Variants in MRPS28 observed in about 807,000 individuals in gnomAD.
The protein encoded by MRPS28 is mitochondrial ribosomal protein S28.
In MRPS28, 7 loss-of-function variants were observed where a neutral mutation model predicts 10.8. The observed-to-expected ratio is 0.65, with a 90% CI of 0.37 to 1.22. MRPS28 has a LOEUF of 1.22. Among genes scored for constraint, MRPS28 ranks in the 50% most tolerant of loss-of-function variants. The pLI is 0.02. For missense variants in MRPS28, 265 were observed against 232.9 expected, an observed-to-expected ratio of 1.14 and a Z score of -0.90; for synonymous variants, 121 against 93.3, an observed-to-expected ratio of 1.30 and a Z score of -1.71.
rs966816033 is a variant in MRPS28, at chr8:79,988,270, C to T, written c.395+14729G>A. On this transcript the variant is annotated intron_variant, in intron 2 of 2. Coordinates refer to ENST00000276585, the MANE Select transcript of MRPS28 (RefSeq NM_014018.3). Reference sequence around the variant, plus strand: ...GGGAACATCACACTCTGGGGACTATCGTGGGGTGGGGGGAGGGGGGAGGGA... The same window carrying T: ...GGGAACATCACACTCTGGGGACTATTGTGGGGTGGGGGGAGGGGGGAGGGA... Among the ~76,000 whole-genome samples, 63 of 101,388 alleles carry T rather than the reference C, an allele frequency of 6.2e-4. 1 individual carries two copies. In the East Asian group the frequency reaches 6.8e-3, roughly 11 times the overall value. 66.5% of individuals were successfully genotyped at this position (101,388 alleles called of 152,430 possible).
intron 2 of MRPS28, among the ~76,000 whole-genome samples, chr8:79,949,713 T>C (rs1807033077): frequency 6.6e-6 from 1 of 152,186 alleles, no homozygotes; most frequent in Non-Finnish European, 1.5e-5. Context: ...AAATAACTTT[T>C]TTTAGATGTC....
chr8:80,008,922 T>C (rs1289854262), intron 1 of MRPS28, among the ~76,000 whole-genome samples: 1 of 152,224 alleles, frequency 6.6e-6, no homozygotes, highest in African/African-American at 2.4e-5. Context: ...ATCCCATTAC[T>C]GGGTATATAC....
intron 2 of MRPS28, among the ~76,000 whole-genome samples, chr8:79,964,879 G>A (rs181335243): frequency 2.6e-5 from 4 of 152,104 alleles, no homozygotes; most frequent in African/African-American, 9.6e-5. Context: ...GCCCTACAGC[G>A]AAGGAAGTGC....
intron 2 of MRPS28, among the ~76,000 whole-genome samples, chr8:79,926,871 A>G (rs1467191805): frequency 6.6e-6 from 1 of 152,240 alleles, no homozygotes; most frequent in Non-Finnish European, 1.5e-5. Context: ...GACCTGCTGC[A>G]GCAAAATCAA....
intron 2 of MRPS28, among the ~76,000 whole-genome samples, chr8:79,977,096 C>A (rs1187588084): frequency 6.6e-6 from 1 of 152,116 alleles, no homozygotes; most frequent in Non-Finnish European, 1.5e-5. Context: ...AAATGCTACA[C>A]AATAAACTTC....
intron 2 of MRPS28, among the ~76,000 whole-genome samples, chr8:79,938,903 T>C (rs1181603982): frequency 6.6e-6 from 1 of 152,204 alleles, no homozygotes; most frequent in Non-Finnish European, 1.5e-5. Context: ...TTTACAAATA[T>C]TTATTAAGTA....
chr8:79,919,172 T>C, intron 2 of MRPS28, 24 bp from the exon 3 acceptor site: 1 of 1,428,182 alleles, frequency 7.0e-7, no homozygotes, highest in Non-Finnish European at 9.4e-7. Context: ...AAAAAAAAAA[T>C]CCATTAATTC....
chr8:79,932,078 G>A (rs1806478369), intron 2 of MRPS28, among the ~76,000 whole-genome samples: 1 of 152,140 alleles, frequency 6.6e-6, no homozygotes, highest in Non-Finnish European at 1.5e-5. Context: ...TTTGTTCACT[G>A]GTTCATTCAT....
At chr8:79,921,857 T>C (rs1810103739) in intron 2 of MRPS28, among the ~76,000 whole-genome samples, 1 of 152,236 alleles carries the variant, frequency 6.6e-6, no homozygotes, top group Non-Finnish European at 1.5e-5. Context: ...CCCTGTCTTG[T>C]GCCACTTTTC....
intron 2 of MRPS28, among the ~76,000 whole-genome samples, chr8:79,991,419 C>T (rs545772645): frequency 6.6e-6 from 1 of 152,250 alleles, no homozygotes; most frequent in Non-Finnish European, 1.5e-5. Flanking sequence ...AGAGCAGCCA[C>T]TTGATAAATG....
intron 2 of MRPS28, among the ~76,000 whole-genome samples, chr8:79,943,422 A>G (rs1806821625): frequency 6.6e-6 from 1 of 152,234 alleles, no homozygotes; most frequent in Non-Finnish European, 1.5e-5. Flanking sequence ...TCAGCATTCT[A>G]CACACAGAAA....
rs113464533 is a variant in MRPS28 at position 79,976,085 on chromosome 8, CTTT to C, written c.395+26911_395+26913del. Among the ~76,000 whole-genome samples the C allele has an allele frequency of 6.5e-3, 939 of 143,932 alleles. 13 individuals are homozygous for C. Among genetic ancestry groups the C allele is most frequent in the East Asian group, 0.059 (290 of 4,942 alleles). The allele number at this position is 143,932 out of a possible 152,430, so 94.4% of individuals were successfully genotyped here. On this transcript the variant is annotated intron_variant, in intron 2 of 2. Coordinates refer to ENST00000276585, the MANE Select transcript of MRPS28 (RefSeq NM_014018.3). ...GCAGATTTCTGTTGTTGTTAAGAAT[CTTT>C]TTTTTTTTTTTCCAGACCAAGTTTT...
chr8:79,981,311 C>A (rs987740400), intron 2 of MRPS28, among the ~76,000 whole-genome samples: 1 of 152,038 alleles, frequency 6.6e-6, no homozygotes, highest in Non-Finnish European at 1.5e-5. Flanking sequence ...GGCAACACAG[C>A]GACACCCTGT....
At chr8:79,967,788 G>A (rs901397604) in intron 2 of MRPS28, among the ~76,000 whole-genome samples, 1 of 152,082 alleles carries the variant, frequency 6.6e-6, no homozygotes, top group African/African-American at 2.4e-5. Flanking sequence ...GCAAAGAGAC[G>A]TGTGGCCAGC....
At chr8:79,995,726 G>A (rs1025641478) in intron 2 of MRPS28, among the ~76,000 whole-genome samples, 2 of 152,186 alleles carry the variant, frequency 1.3e-5, no homozygotes, top group Non-Finnish European at 2.9e-5. Context: ...GAGTTTAGGA[G>A]CTGTCAGAAT....
At chr8:79,945,339 A>T (rs1455677008) in intron 2 of MRPS28, among the ~76,000 whole-genome samples, 2 of 152,226 alleles carry the variant, frequency 1.3e-5, no homozygotes, top group Non-Finnish European at 2.9e-5. Flanking sequence ...TGACAAGAAT[A>T]AACAGCCCTG....
chr8:79,943,216 C>G (rs1332900976), intron 2 of MRPS28, among the ~76,000 whole-genome samples: 1 of 152,180 alleles, frequency 6.6e-6, no homozygotes, highest in African/African-American at 2.4e-5. Flanking sequence ...TGCTAAAAGC[C>G]TAGAAAAATC....
At chr8:80,018,600 A>G (rs547772119) in intron 1 of MRPS28, among the ~76,000 whole-genome samples, 4 of 152,288 alleles carry the variant, frequency 2.6e-5, no homozygotes, top group African/African-American at 9.6e-5. Flanking sequence ...CAAATAACCA[A>G]AACTAAAAAT....
chr8:79,941,975 A>G (rs1806781567), intron 2 of MRPS28, among the ~76,000 whole-genome samples: 1 of 152,304 alleles, frequency 6.6e-6, no homozygotes, highest in East Asian at 1.9e-4. Context: ...TGTGCATTTA[A>G]CTTAACTTAA....
Sources: gnomAD v4.1 joint callset for allele counts (sites outside exome capture counted in the v4.1 genomes callset) on GRCh38, gnomAD v4.1.1 for gene constraint, MANE v1.5 for transcripts, NCBI Gene and HGNC (gene_info 2026-07-23, HGNC 2026-07-21) for gene names.